EVA1A: variants seen among roughly 807,000 people sequenced by gnomAD.
EVA1A encodes the protein protein eva-1 homolog A.
Under a neutral mutation model 9.8 loss-of-function variants are expected in EVA1A, and 7 were observed. That is an observed-to-expected ratio of 0.71 (90% CI 0.41 to 1.34). The LOEUF is 1.34. Among genes scored for constraint, EVA1A ranks in the 40% most tolerant of loss-of-function variants. EVA1A has a pLI of 0.01. For missense variants in EVA1A, 206 were observed against 205.9 expected, an observed-to-expected ratio of 1.00 and a Z score of 0.00; for synonymous variants, 90 against 85.6, an observed-to-expected ratio of 1.05 and a Z score of -0.28.
chr2:75,528,689 T>C (rs1675540147), intron 1 of EVA1A, among the ~76,000 whole-genome samples: 1 of 152,160 alleles, frequency 6.6e-6, no homozygotes, highest in South Asian at 2.1e-4. Flanking sequence ...TCTACCCACC[T>C]TGGTAGCTGA....
chr2:75,542,297 C>T (rs1676154695), intron 1 of EVA1A: 1 of 152,244 alleles, frequency 6.6e-6, no homozygotes, highest in African/African-American at 2.4e-5. Flanking sequence ...ATACATGGTG[C>T]CAGGCTGAGC....
intron 1 of EVA1A, among the ~76,000 whole-genome samples, chr2:75,539,634 T>C (rs1335095343): frequency 6.6e-6 from 1 of 152,214 alleles, no homozygotes; most frequent in East Asian, 1.9e-4. Context: ...GATTTGAAGA[T>C]TATTGCAATA....
In EVA1A at chr2:75,493,466, T is replaced by C; in HGVS notation, c.229A>G (p.Ser77Gly). Residue 77 changes from serine to glycine, a missense_variant, in exon 4 of 4, where the codon AGC becomes GGC. By Grantham distance (56) the Ser-to-Gly change is moderately conservative. Coordinates refer to ENST00000393913, the MANE Select transcript of EVA1A (RefSeq NM_001135032.2). Reference protein sequence around the residue: ...PGKKFLQDRESSSDSSDSEDG... With the variant: ...PGKKFLQDREGSSDSSDSEDG... ...TCGCTGTCGCTGCTGTCGCTGCTGC[T>C]CTCTCTGTCCTGCAGGAACTTCTTC... 6.2e-7 allele frequency: 1 copy of C among 1,614,184 alleles called. No homozygotes were observed. The highest frequency in any genetic ancestry group is 1.1e-5 in the South Asian group (1 of 91,084).
At chr2:75,562,473 C>T (rs1455462558), upstream of EVA1A, among the ~76,000 whole-genome samples, 2 of 152,180 alleles carry the variant, frequency 1.3e-5, no homozygotes, top group Admixed American at 6.5e-5. Context: ...TAGATGAAAA[C>T]GTAAAGACAG....
At chr2:75,504,277 G>A (rs1471917647) in intron 3 of EVA1A, among the ~76,000 whole-genome samples, 39 of 152,114 alleles carry the variant, frequency 2.6e-4, no homozygotes, top group Non-Finnish European at 4.7e-4. Context: ...TGGGCGTGGT[G>A]GTGGGTGCCT....
At chr2:75,538,256 C>T (rs946097845) in intron 1 of EVA1A, among the ~76,000 whole-genome samples, 6 of 152,308 alleles carry the variant, frequency 3.9e-5, no homozygotes, top group African/African-American at 1.4e-4. Flanking sequence ...GATTGCACCA[C>T]TGCACTCCAG....
intron 3 of EVA1A, among the ~76,000 whole-genome samples, chr2:75,495,221 CTA>C (rs1674167891): frequency 6.6e-6 from 1 of 152,166 alleles, no homozygotes; most frequent in South Asian, 2.1e-4. Context: ...CAGAATGCAC[CTA>C]GTCTACTGGG....
At chr2:75,564,389 C>T (rs1053630712), upstream of EVA1A, among the ~76,000 whole-genome samples, 1 of 152,196 alleles carries the variant, frequency 6.6e-6, no homozygotes, top group Non-Finnish European at 1.5e-5. Flanking sequence ...GCCCGGTTCT[C>T]GGCCCAAGGC....
At position 75,493,058 on chromosome 2, in the gene EVA1A, C is replaced by T; in HGVS notation, c.*178G>A. On this transcript the variant is annotated 3_prime_UTR_variant, in exon 4 of 4. Transcript: ENST00000393913. ...GTGATGAACTGCTTTGATTTTTCTA[C>T]TTCTCCATACATTTGGCCAAAAAGG... 1.2e-6 allele frequency: 1 copy of T among 854,482 alleles called. No homozygotes were observed. Among genetic ancestry groups the T allele is most frequent in the South Asian group, 1.8e-5 (1 of 56,428 alleles). 52.9% of individuals were successfully genotyped at this position (854,482 alleles called of 1,614,324 possible).
At chr2:75,522,948 T>C (rs1675283946) in intron 1 of EVA1A, among the ~76,000 whole-genome samples, 1 of 152,216 alleles carries the variant, frequency 6.6e-6, no homozygotes, top group Non-Finnish European at 1.5e-5. Flanking sequence ...CTGGAAATGC[T>C]GATATGTAGA....
chr2:75,537,539 G>A (rs1009406400), intron 1 of EVA1A, among the ~76,000 whole-genome samples: 5 of 152,130 alleles, frequency 3.3e-5, no homozygotes, highest in African/African-American at 7.2e-5. Context: ...CTATTTGCAG[G>A]TGATATGGCT....
At chr2:75,548,549 A>C (rs1676409515) in intron 1 of EVA1A, among the ~76,000 whole-genome samples, 1 of 152,060 alleles carries the variant, frequency 6.6e-6, no homozygotes, top group Non-Finnish European at 1.5e-5. Flanking sequence ...CACATGAAAA[A>C]ATTTCACATA....
chr2:75,508,250 A>G (rs1160138815), intron 3 of EVA1A, among the ~76,000 whole-genome samples: 1 of 152,230 alleles, frequency 6.6e-6, no homozygotes, highest in Non-Finnish European at 1.5e-5. Flanking sequence ...AGGGAATAAG[A>G]GAGATAACCT....
In EVA1A at chr2:75,493,587, C is replaced by T; in HGVS notation, c.108G>A (p.Leu36=). The T allele has an allele frequency of 6.3e-7, 1 of 1,596,604 alleles. No homozygotes were observed. Among genetic ancestry groups the T allele is most frequent in the East Asian group, 2.2e-5 (1 of 44,606 alleles). ...CGATGCACACGCCAGAAACAAAGTA[C>T]AGAGCTGCTCGCTCAGGATTTTCTG... The part of the protein sequence containing the change: ...FVSENPERAA[L]YFVSGVCIGL... Residue 36 remains leucine (L), a synonymous_variant, in exon 4 of 4, where the codon CTG becomes CTA. Coordinates refer to ENST00000393913, the MANE Select transcript of EVA1A (RefSeq NM_001135032.2).
rs528850155 is a variant in EVA1A at position 75,522,502 on chromosome 2, A to C, written c.-191-15T>G. 1.3e-5 allele frequency: 2 copies of C among 152,384 alleles called. No individual in the cohort carries two copies. The highest frequency in any genetic ancestry group is 2.4e-5 in the African/African-American group (1 of 41,568). 9.4% of individuals were successfully genotyped at this position (152,384 alleles called of 1,614,324 possible). A position where few individuals can be genotyped will look rare whatever the true frequency, so the allele number is the denominator to read the frequency against. ...CTTCTCAGACTCTGAAAGAAAAAAGAAGCAGCACAAAAACCATCATATACC... is the reference window on the plus strand; with the variant it reads ...CTTCTCAGACTCTGAAAGAAAAAAGCAGCAGCACAAAAACCATCATATACC... On this transcript the variant is annotated splice_polypyrimidine_tract_variant and intron_variant, in intron 1 of 3. Transcript: ENST00000393913.
At chr2:75,534,504 A>AAAAAAAAG (rs1464385814) in intron 1 of EVA1A, among the ~76,000 whole-genome samples, 3 of 152,048 alleles carry the variant, frequency 2.0e-5, no homozygotes, top group Non-Finnish European at 2.9e-5. Context: ...CAAGTAACTA[A>AAAAAAAAG]AAAAAGAAAA....
intron 1 of EVA1A, among the ~76,000 whole-genome samples, chr2:75,545,683 C>T (rs536217440): frequency 3.2e-4 from 44 of 135,842 alleles, no homozygotes; most frequent in African/African-American, 1.2e-3. Context: ...AAGCAAAGCA[C>T]AGGACACAGA....
At chr2:75,535,295 CAAA>C (rs3081156) in intron 1 of EVA1A, among the ~76,000 whole-genome samples, 6 of 92,528 alleles carry the variant, frequency 6.5e-5, no homozygotes, top group Admixed American at 1.1e-4. Flanking sequence ...ATAGATATGG[CAAA>C]AAAAAAAAAA....
chr2:75,517,874 A>G (rs750124547), intron 3 of EVA1A, 182 bp downstream of exon 3: 10 of 766,936 alleles, frequency 1.3e-5, no homozygotes, highest in African/African-American at 1.0e-4. Flanking sequence ...TTCAAATTAG[A>G]GAATGACAAG....
Sources: allele counts gnomAD v4.1 joint callset (sites outside exome capture counted in the v4.1 genomes callset), GRCh38; gene constraint gnomAD v4.1.1; transcripts MANE v1.5; gene names NCBI Gene and HGNC (gene_info 2026-07-23, HGNC 2026-07-21).